ZNF385D: variants seen among roughly 807,000 people sequenced by gnomAD.
ZNF385D encodes zinc finger protein 659.
In ZNF385D, 15 loss-of-function variants were observed where a neutral mutation model predicts 35.8. The observed-to-expected ratio is 0.42, with a 90% confidence interval of 0.28 to 0.64. The LOEUF is 0.64. ZNF385D is among the 30% of genes least tolerant of loss of function. ZNF385D has a pLI of 0.23. For synonymous variants in ZNF385D, 212 were observed against 186.8 expected, an observed-to-expected ratio of 1.13 and a Z score of -1.10; for missense variants, 474 against 494.6, an observed-to-expected ratio of 0.96 and a Z score of 0.39.
intron 4 of ZNF385D, among the ~76,000 whole-genome samples, chr3:21,506,670 T>C (rs1283599684): frequency 1.3e-5 from 2 of 152,188 alleles, no homozygotes; most frequent in Non-Finnish European, 2.9e-5. Context: ...ATTCTGGCTA[T>C]CTTTGGAAAT....
intron 3 of ZNF385D, among the ~76,000 whole-genome samples, chr3:22,156,726 G>C (rs910782168): frequency 6.6e-6 from 1 of 151,874 alleles, no homozygotes; most frequent in African/African-American, 2.4e-5. Flanking sequence ...TTCCCTTACT[G>C]ACTTTCTCTA....
rs548462795 is a variant in ZNF385D, at chr3:21,918,787, C to G, written c.325+250030G>C. 6.6e-5 allele frequency among the ~76,000 whole-genome samples: 10 copies of G among 152,154 alleles called. No individual in the cohort carries two copies. The South Asian group carries it at 2.1e-3, about 32-fold the overall frequency. ...GCAGTGTTTAAGTCACTTTATCTTC[C>G]TATTTTTAATCATTTTAGTTAAATT... On this transcript the variant is annotated intron_variant, in intron 3 of 5. Transcript: ENST00000494108.
At chr3:21,943,340 CGAGT>C (rs1164815096) in intron 3 of ZNF385D, among the ~76,000 whole-genome samples, 6 of 150,212 alleles carry the variant, frequency 4.0e-5, no homozygotes, top group African/African-American at 7.3e-5. Context: ...ATATATATAG[CGAGT>C]GAGAAAGAAT....
chr3:22,328,101 A>C (rs563678031), intron 2 of ZNF385D, among the ~76,000 whole-genome samples: 1 of 152,122 alleles, frequency 6.6e-6, no homozygotes, highest in African/African-American at 2.4e-5. Flanking sequence ...ATGATTTCTG[A>C]CTTTTAATCA....
At chr3:21,953,782 C>A (rs537823934) in intron 3 of ZNF385D, among the ~76,000 whole-genome samples, 1 of 151,974 alleles carries the variant, frequency 6.6e-6, no homozygotes, top group East Asian at 1.9e-4. Context: ...TAGGCTTGCA[C>A]AAAGATACCA....
At position 22,042,297 on chromosome 3, in the gene ZNF385D, C is replaced by T. The variant is rs555905880; in HGVS notation, c.325+126520G>A. ...GTTGTGGTATTACATTATTAATACC[C>T]ACAAGGAACTTAGATTAGTGTATGG... On this transcript the variant is annotated intron_variant, in intron 3 of 5. Coordinates refer to the ZNF385D transcript ENST00000494108. Among the ~76,000 whole-genome samples, 27 of 152,128 alleles carry T rather than the reference C, an allele frequency of 1.8e-4. No individual in the cohort carries two copies. In the Middle Eastern group the frequency reaches 0.01, roughly 57 times the overall value.
chr3:22,005,083 A>ATC (rs1394823299), intron 3 of ZNF385D, among the ~76,000 whole-genome samples: 2 of 117,312 alleles, frequency 1.7e-5, no homozygotes, highest in Non-Finnish European at 3.4e-5. Context: ...AAAAAAAAAA[A>ATC]AGGCAGAAAA....
chr3:22,086,136 C>G lies in ZNF385D; in HGVS notation c.325+82681G>C, dbSNP rs191200210. 1.5e-3 allele frequency among the ~76,000 whole-genome samples: 221 copies of G among 152,332 alleles called. 7 individuals carry two copies. In the South Asian group the frequency reaches 0.044, roughly 30 times the overall value. ...AACCTGGAAGCATTCCCTTTGAAAACTGGCACAAGACAGGGATGCTGTCTC... is the reference window on the plus strand; with the variant it reads ...AACCTGGAAGCATTCCCTTTGAAAAGTGGCACAAGACAGGGATGCTGTCTC... On this transcript the variant is annotated intron_variant, in intron 3 of 5. Transcript: ENST00000494108.
At position 21,876,318 on chromosome 3, in the gene ZNF385D, C is replaced by G. The variant is rs114081212; in HGVS notation, c.326-211290G>C. On this transcript the variant is annotated intron_variant, in intron 3 of 5. Coordinates refer to the ZNF385D transcript ENST00000494108. ...ATCTATTAGGGGTGCCTCAGAGTAACTGTCTTCATTCAGCCTGGTCAAAAC... is the reference window on the plus strand; with the variant it reads ...ATCTATTAGGGGTGCCTCAGAGTAAGTGTCTTCATTCAGCCTGGTCAAAAC... 7.4e-3 allele frequency among the ~76,000 whole-genome samples: 1,113 copies of G among 151,372 alleles called. 17 individuals are homozygous for G. Among genetic ancestry groups the G allele is most frequent in the African/African-American group, 0.026 (1,073 of 41,318 alleles).
At chr3:21,463,224 A>T (rs112212334) in intron 4 of ZNF385D, among the ~76,000 whole-genome samples, 2 of 151,920 alleles carry the variant, frequency 1.3e-5, no homozygotes, top group African/African-American at 4.8e-5. Context: ...GAGCAAAAAA[A>T]ATTCAATAGC....
intron 2 of ZNF385D, among the ~76,000 whole-genome samples, chr3:22,279,605 T>C (rs946743152): frequency 2.1e-5 from 3 of 140,130 alleles, no homozygotes; most frequent in Non-Finnish European, 3.0e-5. Flanking sequence ...TATATATGTA[T>C]ATACATATAC....
intron 2 of ZNF385D, among the ~76,000 whole-genome samples, chr3:22,257,387 C>T (rs1700369794): frequency 6.6e-6 from 1 of 151,794 alleles, no homozygotes; most frequent in African/African-American, 2.4e-5. Flanking sequence ...CATTTTTCAT[C>T]ATCATACTGA....
At chr3:21,607,062 C>A (rs79713293) in intron 2 of ZNF385D, among the ~76,000 whole-genome samples, 3,181 of 152,252 alleles carry the variant, frequency 0.021, 96 homozygotes, top group South Asian at 0.12. Context: ...ACAGAGTAGA[C>A]AATTTATTTA....
At chr3:22,214,739 T>C (rs1429077051) in intron 2 of ZNF385D, among the ~76,000 whole-genome samples, 2 of 152,132 alleles carry the variant, frequency 1.3e-5, no homozygotes, top group East Asian at 3.9e-4. Flanking sequence ...AGACCAGTTG[T>C]CTGCTCTCAA....
chr3:21,541,182 T>G (rs2062166234), intron 3 of ZNF385D, among the ~76,000 whole-genome samples: 1 of 152,208 alleles, frequency 6.6e-6, no homozygotes, highest in Non-Finnish European at 1.5e-5. Context: ...GTGTAATTTA[T>G]GCATGCCTGG....
intron 2 of ZNF385D, among the ~76,000 whole-genome samples, chr3:22,219,336 T>C (rs1176149448): frequency 6.6e-6 from 1 of 152,100 alleles, no homozygotes; most frequent in Non-Finnish European, 1.5e-5. Flanking sequence ...ATTAAGAGTA[T>C]CCTAATCAGG....
At chr3:22,231,502 C>T (rs1698887838) in intron 2 of ZNF385D, among the ~76,000 whole-genome samples, 1 of 152,148 alleles carries the variant, frequency 6.6e-6, no homozygotes, top group African/African-American at 2.4e-5. Flanking sequence ...TGACAAGAGG[C>T]CGTCTGAACA....
At chr3:22,141,798 A>T (rs1704520186) in intron 3 of ZNF385D, among the ~76,000 whole-genome samples, 1 of 152,206 alleles carries the variant, frequency 6.6e-6, no homozygotes, top group African/African-American at 2.4e-5. Flanking sequence ...TTCAGTTTTC[A>T]ATTTTATAAC....
chr3:22,033,426 T>TAATAATAAA (rs769209799), intron 3 of ZNF385D, among the ~76,000 whole-genome samples: 15 of 133,710 alleles, frequency 1.1e-4, no homozygotes, highest in African/African-American at 3.9e-4. Context: ...ATAATAATAA[T>TAATAATAAA]AATAATAATA....
Sources: allele counts gnomAD v4.1 joint callset (sites outside exome capture counted in the v4.1 genomes callset), GRCh38; gene constraint gnomAD v4.1.1; transcripts MANE v1.5; gene names NCBI Gene and HGNC (gene_info 2026-07-23, HGNC 2026-07-21).